The following SYT1 variants were observed in gnomAD, a reference collection of about 807,000 sequenced individuals.
SYT1 encodes synaptotagmin-1.
In SYT1, 8 loss-of-function variants were observed where a neutral mutation model predicts 44.8. The observed-to-expected ratio is 0.18, with a 90% CI of 0.10 to 0.32. SYT1 has a LOEUF of 0.32. Among genes scored for constraint, SYT1 ranks in the 10% least tolerant of loss-of-function variants. The probability of loss-of-function intolerance (pLI) is 1.00; values close to 1 mark genes in which losing one functional copy is unlikely to be tolerated. For synonymous variants in SYT1, 154 were observed against 188.8 expected (o/e 0.82, Z 1.51); for missense variants, 286 against 509.3 (o/e 0.56, Z 4.22).
chr12:78,909,403 A>G (rs1380143427), intron 1 of SYT1, among the ~76,000 whole-genome samples: 1 of 151,774 alleles, frequency 6.6e-6, no homozygotes, highest in East Asian at 1.9e-4. Context: ...TTCGGTATTT[A>G]TAATTCCTTT....
intron 9 of SYT1, among the ~76,000 whole-genome samples, chr12:79,430,381 A>C (rs935761289): frequency 2.0e-5 from 3 of 152,180 alleles, no homozygotes; most frequent in Non-Finnish European, 2.9e-5. Flanking sequence ...TTTAAATATA[A>C]CTTTTTTAGG....
intron 8 of SYT1, among the ~76,000 whole-genome samples, chr12:79,330,587 T>C (rs770311786): frequency 6.6e-6 from 1 of 152,198 alleles, no homozygotes; most frequent in Non-Finnish European, 1.5e-5. Context: ...AATAACTATA[T>C]TTCAGGGCTG....
intron 1 of SYT1, among the ~76,000 whole-genome samples, chr12:78,898,589 C>CCCTA (rs1445651414): frequency 6.6e-6 from 1 of 151,992 alleles, no homozygotes; most frequent in Non-Finnish European, 1.5e-5. Flanking sequence ...CATTCTATGG[C>CCCTA]CCTAGTTAGA....
At chr12:79,183,214 A>G (rs1872635648) in intron 3 of SYT1, among the ~76,000 whole-genome samples, 1 of 151,948 alleles carries the variant, frequency 6.6e-6, no homozygotes, top group South Asian at 2.1e-4. Flanking sequence ...TGTAGCTTAC[A>G]CATGCAGCAC....
chr12:78,897,718 C>A (rs2137088675), intron 1 of SYT1, among the ~76,000 whole-genome samples: 1 of 152,184 alleles, frequency 6.6e-6, no homozygotes, highest in Non-Finnish European at 1.5e-5. Context: ...ATCAAAATCA[C>A]AATTAACCTA....
chr12:79,215,364 A>G (rs1874722489), intron 3 of SYT1, among the ~76,000 whole-genome samples: 1 of 152,136 alleles, frequency 6.6e-6, no homozygotes, highest in African/African-American at 2.4e-5. Flanking sequence ...ACACTATGCT[A>G]ATTTTTTTGC....
intron 3 of SYT1, among the ~76,000 whole-genome samples, chr12:79,108,207 CT>C (rs1878821970): frequency 6.6e-6 from 1 of 151,670 alleles, no homozygotes; most frequent in Non-Finnish European, 1.5e-5. Flanking sequence ...GAGGCTATTT[CT>C]TTTTTTCTAT....
Position 79,421,185 on chromosome 12 carries a change from C to A in SYT1, c.929-22888C>A, listed in dbSNP as rs114827008. On this transcript the variant is annotated intron_variant, in intron 9 of 10. Coordinates refer to ENST00000261205, the MANE Select transcript of SYT1 (RefSeq NM_005639.3). ...AAATAAATGAATGAATAAATAATAA[C>A]ATTTTATTTTGGGGAGGAGGAAGTA... 2.6e-3 allele frequency among the ~76,000 whole-genome samples: 400 copies of A among 152,074 alleles called. 1 individual carries two copies. Among genetic ancestry groups the A allele is most frequent in the African/African-American group, 8.1e-3 (337 of 41,480 alleles).
intron 2 of SYT1, among the ~76,000 whole-genome samples, chr12:78,980,776 T>G (rs945352591): frequency 6.6e-5 from 10 of 152,128 alleles, no homozygotes; most frequent in African/African-American, 2.4e-4. Context: ...AATATTACAT[T>G]ATATATTTAC....
At chr12:79,366,943 TG>T (rs1313979413) in intron 9 of SYT1, among the ~76,000 whole-genome samples, 15 of 140,364 alleles carry the variant, frequency 1.1e-4, no homozygotes, top group African/African-American at 2.9e-4. Context: ...TGTGTGTGTG[TG>T]TGTTCAAAGA....
intron 4 of SYT1, 22 bp from the exon 5 acceptor site, chr12:79,285,765 G>C: frequency 6.4e-7 from 1 of 1,558,918 alleles, no homozygotes; most frequent in East Asian, 2.3e-5. Context: ...TATGACTAGT[G>C]CTCTCTGTGT....
At chr12:79,098,210 C>G (rs1167174061) in intron 3 of SYT1, among the ~76,000 whole-genome samples, 1 of 151,926 alleles carries the variant, frequency 6.6e-6, no homozygotes, top group Non-Finnish European at 1.5e-5. Context: ...AACAACTTGC[C>G]CAAAGTAAGT....
In SYT1 at chr12:78,943,891, C is replaced by T. The variant is rs558329123; in HGVS notation, c.-216-33908C>T. ...TTACTCACCATTGACAAGACTGCAT[C>T]ACATGATCCATCTGGCTTGAACCTC... On this transcript the variant is annotated intron_variant, in intron 1 of 10. Transcript: ENST00000261205. Among the ~76,000 whole-genome samples, 8 of 152,348 alleles carry T rather than the reference C, an allele frequency of 5.3e-5. 1 individual carries two copies. In the East Asian group the frequency reaches 1.5e-3, roughly 29 times the overall value.
At chr12:79,088,061 G>T (rs1258527864) in intron 3 of SYT1, among the ~76,000 whole-genome samples, 1 of 151,912 alleles carries the variant, frequency 6.6e-6, no homozygotes, top group Non-Finnish European at 1.5e-5. Context: ...TGTAAAATTA[G>T]CATAATAACC....
At chr12:79,392,798 C>CTTTTTTTTTTTTT (rs755888075) in intron 9 of SYT1, 14 of 98,866 alleles carry the variant, frequency 1.4e-4, no homozygotes, top group East Asian at 8.3e-4. Context: ...ATTTTTCTTT[C>CTTTTTTTTTTTTT]TTTTTTTTTT....
At chr12:79,210,480 T>C (rs531042797) in intron 3 of SYT1, among the ~76,000 whole-genome samples, 1 of 152,328 alleles carries the variant, frequency 6.6e-6, no homozygotes, top group South Asian at 2.1e-4. Flanking sequence ...CTCCCACATA[T>C]CAGTGAGAAC....
chr12:78,904,912 CTTAAATCCAT>C (rs1875877121), intron 1 of SYT1, among the ~76,000 whole-genome samples: 1 of 152,126 alleles, frequency 6.6e-6, no homozygotes, highest in Admixed American at 6.6e-5. Context: ...TCAACTTTCA[CTTAAATCCAT>C]TTAATAGTTT....
intron 2 of SYT1, among the ~76,000 whole-genome samples, chr12:79,026,667 T>TTTATATATATA (rs1298013189): frequency 3.3e-3 from 333 of 102,204 alleles, no homozygotes; most frequent in Middle Eastern, 0.015. Flanking sequence ...CATATATATT[T>TTTATATATATA]TATATATATA....
At chr12:78,942,013 T>A (rs1266248379) in intron 1 of SYT1, among the ~76,000 whole-genome samples, 1 of 152,232 alleles carries the variant, frequency 6.6e-6, no homozygotes, top group Non-Finnish European at 1.5e-5. Context: ...GGCTTACTAT[T>A]TTCCTTTTGG....
Sources: gnomAD v4.1 joint callset for allele counts (sites outside exome capture counted in the v4.1 genomes callset) on GRCh38, gnomAD v4.1.1 for gene constraint, MANE v1.5 for transcripts, NCBI Gene and HGNC (gene_info 2026-07-23, HGNC 2026-07-21) for gene names.